The following TNFSF4 variants were observed in gnomAD, a reference collection of about 807,000 sequenced individuals.
TNFSF4 encodes TNF superfamily member 4, also known as tumor necrosis factor ligand superfamily member 4.
Under a neutral mutation model 7.3 loss-of-function variants are expected in TNFSF4, and 4 were observed. That is an observed-to-expected ratio of 0.55 (90% CI 0.27 to 1.25). The LOEUF (loss-of-function observed/expected upper bound fraction) is 1.25, where lower values mean the gene tolerates loss of function less well. Ranked by LOEUF, TNFSF4 falls within the 50% of genes most tolerant of loss-of-function variation. The pLI, the probability that TNFSF4 is intolerant of heterozygous loss-of-function variation, is 0.12. For synonymous variants in TNFSF4, 76 were observed against 83.7 expected, an observed-to-expected ratio of 0.91 and a Z score of 0.50; for missense variants, 181 against 208.8, an observed-to-expected ratio of 0.87 and a Z score of 0.82.
At chr1:173,321,715 AG>A in the TNFSF4 span, among the ~76,000 whole-genome samples, 4 of 152,232 alleles carry the variant, frequency 2.6e-5, no homozygotes, top group African/African-American at 9.6e-5. Context: ...GATATAAAAA[AG>A]GTTCATCATC....
At chr1:173,286,569 T>C in the TNFSF4 span, among the ~76,000 whole-genome samples, 1 of 152,182 alleles carries the variant, frequency 6.6e-6, no homozygotes, top group East Asian at 1.9e-4. Context: ...TTAGACTCAA[T>C]CTGTGCTACA....
At chr1:173,352,663 C>T in the TNFSF4 span, among the ~76,000 whole-genome samples, 1 of 152,186 alleles carries the variant, frequency 6.6e-6, no homozygotes. Context: ...ACTAGAATTA[C>T]TAATGAAGTT....
At chr1:173,201,401 C>A (rs1469961427) in intron 1 of TNFSF4, among the ~76,000 whole-genome samples, 3 of 152,124 alleles carry the variant, frequency 2.0e-5, no homozygotes, top group Admixed American at 2.0e-4. Flanking sequence ...GATATGCTTT[C>A]TGAGATTTGA....
At chr1:173,349,829 A>T in the TNFSF4 span, among the ~76,000 whole-genome samples, 1 of 152,216 alleles carries the variant, frequency 6.6e-6, no homozygotes, top group Non-Finnish European at 1.5e-5. Flanking sequence ...GTATAAAAGG[A>T]TGTAAGTTTA....
At chr1:173,215,495 C>T in the TNFSF4 span, among the ~76,000 whole-genome samples, 1 of 152,116 alleles carries the variant, frequency 6.6e-6, no homozygotes, top group Admixed American at 6.6e-5. Flanking sequence ...CTTCGATGTC[C>T]TTATAAGAAT....
chr1:173,303,841 A>G, the TNFSF4 span, among the ~76,000 whole-genome samples: 79 of 151,986 alleles, frequency 5.2e-4, no homozygotes, highest in Admixed American at 1.5e-3. Context: ...TTTCTACTCT[A>G]TATGATAGAC....
At chr1:173,386,277 A>G in the TNFSF4 span, among the ~76,000 whole-genome samples, 1 of 152,148 alleles carries the variant, frequency 6.6e-6, no homozygotes, top group Non-Finnish European at 1.5e-5. Flanking sequence ...GGCTTAGACC[A>G]CTGCTCTAGA....
At chr1:173,334,217 A>G in the TNFSF4 span, among the ~76,000 whole-genome samples, 1 of 152,156 alleles carries the variant, frequency 6.6e-6, no homozygotes, top group African/African-American at 2.4e-5. Flanking sequence ...GCTAGTGTCT[A>G]TTTTTAGTGG....
At chr1:173,409,470 G>A in the TNFSF4 span, among the ~76,000 whole-genome samples, 1 of 152,118 alleles carries the variant, frequency 6.6e-6, no homozygotes. Flanking sequence ...ATATTAAAGT[G>A]ATACGGCATC....
the TNFSF4 span, among the ~76,000 whole-genome samples, chr1:173,414,033 G>A: frequency 6.6e-6 from 1 of 152,186 alleles, no homozygotes; most frequent in Non-Finnish European, 1.5e-5. Context: ...AAGCCAACGT[G>A]TGAATTGCAG....
chr1:173,201,480 G>A (rs1456306998), intron 1 of TNFSF4, among the ~76,000 whole-genome samples: 1 of 152,102 alleles, frequency 6.6e-6, no homozygotes, highest in Non-Finnish European at 1.5e-5. Context: ...GTATGTTAAC[G>A]GAAGCATGTT....
chr1:173,363,022 A>G, the TNFSF4 span: 1 of 388,888 alleles, frequency 2.6e-6, no homozygotes, highest in Non-Finnish European at 5.1e-6. Flanking sequence ...CTTATCTTCA[A>G]TAATAAGTCT....
In TNFSF4 at chr1:173,186,375, G is replaced by A. The variant is rs1649224885; in HGVS notation, c.*141C>T. The A allele has an allele frequency of 4.8e-6, 3 of 620,496 alleles. No homozygotes were observed. The highest frequency in any genetic ancestry group is 1.9e-5 in the African/African-American group (1 of 53,354). The allele number at this position is 620,496 out of a possible 1,614,324, so 38.4% of individuals were successfully genotyped here. A position where few individuals can be genotyped will look rare whatever the true frequency, so the allele number is the denominator to read the frequency against. ...AAATATCCCTGAGGGGTGGGGGCGG[G>A]AGGGCCAGGATCTGCTTCTTGTCAC... is the stretch of plus-strand genomic sequence containing the variant. On this transcript the variant is annotated 3_prime_UTR_variant, in exon 3 of 3. Transcript: ENST00000281834.
the TNFSF4 span, among the ~76,000 whole-genome samples, chr1:173,334,815 C>T: frequency 6.6e-6 from 1 of 152,128 alleles, no homozygotes; most frequent in African/African-American, 2.4e-5. Context: ...GAAATGCTGG[C>T]TCCCCTCAGG....
chr1:173,432,808 G>C, the TNFSF4 span, among the ~76,000 whole-genome samples: 28,309 of 151,860 alleles, frequency 0.19, 2,707 homozygotes, highest in East Asian at 0.31. Flanking sequence ...AAAAACGACA[G>C]CAATTTCTTA....
the TNFSF4 span, among the ~76,000 whole-genome samples, chr1:173,396,214 T>C: frequency 6.6e-6 from 1 of 152,162 alleles, no homozygotes; most frequent in East Asian, 1.9e-4. Context: ...TGGAAATGCA[T>C]ATTAAAGGTT....
the TNFSF4 span, among the ~76,000 whole-genome samples, chr1:173,226,893 A>G: frequency 9.2e-5 from 14 of 152,328 alleles, no homozygotes; most frequent in African/African-American, 3.4e-4. Flanking sequence ...TTGCATTCAA[A>G]TGTTTACAAT....
At chr1:173,276,810 T>C in the TNFSF4 span, among the ~76,000 whole-genome samples, 2 of 152,156 alleles carry the variant, frequency 1.3e-5, no homozygotes, top group Non-Finnish European at 2.9e-5. Flanking sequence ...TCTGTCCTCT[T>C]CAACCCAAGA....
the TNFSF4 span, among the ~76,000 whole-genome samples, chr1:173,244,038 T>C: frequency 6.6e-6 from 1 of 152,242 alleles, no homozygotes; most frequent in East Asian, 1.9e-4. Flanking sequence ...AGCCACGTTT[T>C]CTTCTCCTGA....
Sources: gnomAD v4.1 joint callset for allele counts (sites outside exome capture counted in the v4.1 genomes callset) on GRCh38, gnomAD v4.1.1 for gene constraint, MANE v1.5 for transcripts, NCBI Gene and HGNC (gene_info 2026-07-23, HGNC 2026-07-21) for gene names.